Variants in WIPI2 observed in about 807,000 individuals in gnomAD.
WIPI2 encodes the protein WD repeat domain, phosphoinositide interacting 2, also known as WD repeat domain phosphoinositide-interacting protein 2.
Under a neutral mutation model 52.3 loss-of-function variants are expected in WIPI2, and 28 were observed. The observed-to-expected ratio is 0.54, with a 90% confidence interval of 0.40 to 0.73. The LOEUF (loss-of-function observed/expected upper bound fraction) is 0.73. Ranked by LOEUF, WIPI2 falls within the 30% of genes least tolerant of loss-of-function variation. The probability of loss-of-function intolerance (pLI) is 0.00; values close to 1 mark genes in which losing one functional copy is unlikely to be tolerated. For missense variants in WIPI2, 506 were observed against 602.9 expected (o/e 0.84, Z 1.68); for synonymous variants, 268 against 245.0 (o/e 1.09, Z -0.88).
At position 5,222,640 on chromosome 7, in the gene WIPI2, A is replaced by G; in HGVS notation, c.708A>G (p.Gln236=). 6.2e-7 allele frequency: 1 copy of G among 1,614,150 alleles called. No individual in the cohort carries two copies. Among genetic ancestry groups the G allele is most frequent in the Non-Finnish European group, 8.5e-7 (1 of 1,179,984 alleles). Residue 236 remains glutamine (Q), a synonymous_variant, in exon 8 of 13, where the codon CAA becomes CAG. Coordinates refer to ENST00000288828, the MANE Select transcript of WIPI2 (RefSeq NM_015610.4). ...GGGTATTTTCCATTCCAGAAGGACAAAAACTCTTTGAGTTTCGGAGAGGAG... is the reference window on the plus strand; with the variant it reads ...GGGTATTTTCCATTCCAGAAGGACAGAAACTCTTTGAGTTTCGGAGAGGAG... ...VIRVFSIPEG[Q]KLFEFRRGVK...
intron 8 of WIPI2, among the ~76,000 whole-genome samples, chr7:5,224,891 G>A (rs1583589264): frequency 6.6e-6 from 1 of 152,134 alleles, no homozygotes; most frequent in Admixed American, 6.6e-5. Context: ...TTGCAAAGGC[G>A]GTTTCGTTTG....
intron 8 of WIPI2, chr7:5,222,873 T>C: frequency 1.9e-6 from 1 of 527,052 alleles, no homozygotes. Context: ...ATTGGGTTTT[T>C]GTTTGCGATC....
At position 5,232,306 on chromosome 7, in the gene WIPI2, G is replaced by T. The variant is rs1019066080; in HGVS notation, c.*1359G>T. Reference sequence around the variant, plus strand: ...TCATGGTCACGCTGGGCGAAGAGCTGGAGGGGAGTTGTCCCCTCAGCTGAG... The same window carrying T: ...TCATGGTCACGCTGGGCGAAGAGCTTGAGGGGAGTTGTCCCCTCAGCTGAG... On this transcript the variant is annotated 3_prime_UTR_variant, in exon 13 of 13. Transcript: ENST00000288828. The T allele has an allele frequency of 5.8e-5, 23 of 398,536 alleles. No individual in the cohort carries two copies. Among genetic ancestry groups the T allele is most frequent in the African/African-American group, 4.7e-4 (23 of 48,646 alleles). 24.7% of individuals were successfully genotyped at this position (398,536 alleles called of 1,614,324 possible). A position where few individuals can be genotyped will look rare whatever the true frequency, so the allele number is the denominator to read the frequency against.
chr7:5,229,023 T>C (rs901047823), intron 11 of WIPI2, among the ~76,000 whole-genome samples: 1 of 151,800 alleles, frequency 6.6e-6, no homozygotes, highest in Non-Finnish European at 1.5e-5. Context: ...TAGCTTTTTG[T>C]GTGTGTGTGT....
intron 3 of WIPI2, among the ~76,000 whole-genome samples, chr7:5,201,337 C>T (rs1782016718): frequency 6.6e-6 from 1 of 152,248 alleles, no homozygotes; most frequent in Non-Finnish European, 1.5e-5. Context: ...TGGAAGAATG[C>T]CAAAACCTGG....
At chr7:5,214,485 C>T (rs1377646519) in intron 3 of WIPI2, 50 bp from the exon 4 acceptor site, 1 of 1,614,100 alleles carries the variant, frequency 6.2e-7, no homozygotes, top group East Asian at 2.2e-5. Context: ...CTGCCTGTGG[C>T]CATAGCCATG....
intron 3 of WIPI2, among the ~76,000 whole-genome samples, chr7:5,202,399 A>G (rs1002689406): frequency 6.6e-6 from 1 of 152,094 alleles, no homozygotes; most frequent in Non-Finnish European, 1.5e-5. Context: ...ATGTATATAT[A>G]TGGGGACAGA....
At position 5,228,205 on chromosome 7, in the gene WIPI2, AG is replaced by A; in HGVS notation, c.1116del (p.Gln372HisfsTer24). 6.2e-7 allele frequency: 1 copy of A among 1,612,416 alleles called. No individual in the cohort carries two copies. Among genetic ancestry groups the A allele is most frequent in the Non-Finnish European group, 8.5e-7 (1 of 1,179,622 alleles). On this transcript the variant is annotated frameshift_variant, in exon 11 of 13. Transcript: ENST00000288828. LOFTEE classifies it high-confidence loss of function. ...QEGGECALMK[Q>X]HRLDGSLETT... is the part of the protein sequence containing the mutation. ...GGCGGCGAGTGTGCCCTGATGAAGC[AG>A]CACCGGTGAGTCTGCTCCGGCCGCT...
intron 3 of WIPI2, among the ~76,000 whole-genome samples, chr7:5,203,697 A>G (rs7806315): frequency 0.029 from 4,002 of 139,862 alleles, 133 homozygotes; most frequent in African/African-American, 0.086. Context: ...TAGTGGCGCA[A>G]TCTTGGCTCA....
At chr7:5,205,725 G>A (rs1335503524) in intron 3 of WIPI2, among the ~76,000 whole-genome samples, 2 of 151,696 alleles carry the variant, frequency 1.3e-5, no homozygotes, top group African/African-American at 4.8e-5. Context: ...GCAGGCTGGT[G>A]TTGAACTCCT....
intron 2 of WIPI2, chr7:5,193,383 C>T: frequency 7.6e-7 from 1 of 1,314,378 alleles, no homozygotes; most frequent in South Asian, 1.9e-5. Context: ...AATGCCATGT[C>T]TAAAAGGGAT....
At chr7:5,221,752 C>G (rs1196010706) in intron 7 of WIPI2, among the ~76,000 whole-genome samples, 1 of 152,102 alleles carries the variant, frequency 6.6e-6, no homozygotes, top group East Asian at 1.9e-4. Flanking sequence ...AGTTCTTTGT[C>G]TTAGTAAGAT....
intron 8 of WIPI2, among the ~76,000 whole-genome samples, chr7:5,225,341 C>G (rs1194220850): frequency 6.6e-6 from 1 of 152,050 alleles, no homozygotes; most frequent in Non-Finnish European, 1.5e-5. Flanking sequence ...GGGGGTTTCA[C>G]CATGTTGGCC....
At position 5,214,698 on chromosome 7, in the gene WIPI2, CA is replaced by C; in HGVS notation, c.376del (p.Arg126GlyfsTer4). On this transcript the variant is annotated frameshift_variant, in exon 4 of 13. Coordinates refer to ENST00000288828, the MANE Select transcript of WIPI2 (RefSeq NM_015610.4). LOFTEE classifies it high-confidence loss of function. ...SNTILAVKLNRQRLIVCLEES... is the reference protein window; with the variant it reads ...SNTILAVKLNXQRLIVCLEES... Reference sequence around the variant, plus strand: ...ACACGATTCTGGCTGTGAAGCTCAACAGGCAGGTGAGCGCTGCCCCAGCTGG... The same window carrying C: ...ACACGATTCTGGCTGTGAAGCTCAACGGCAGGTGAGCGCTGCCCCAGCTGG... 6.2e-7 allele frequency: 1 copy of C among 1,614,058 alleles called. No homozygotes were observed. The highest frequency in any genetic ancestry group is 8.5e-7 in the Non-Finnish European group (1 of 1,180,040).
intron 3 of WIPI2, chr7:5,213,128 C>T (rs191616851): frequency 3.7e-3 from 554 of 151,646 alleles, no homozygotes; most frequent in Non-Finnish European, 6.3e-3. Flanking sequence ...AGACGGTGGC[C>T]GCTAGTCTGA....
At chr7:5,197,358 A>G (rs983251583) in intron 2 of WIPI2, among the ~76,000 whole-genome samples, 7 of 152,164 alleles carry the variant, frequency 4.6e-5, no homozygotes, top group African/African-American at 1.7e-4. Flanking sequence ...TTTCCTGAAC[A>G]TCAGTTTCCC....
At chr7:5,224,217 G>T (rs1461851846) in intron 8 of WIPI2, among the ~76,000 whole-genome samples, 1 of 152,228 alleles carries the variant, frequency 6.6e-6, no homozygotes, top group East Asian at 1.9e-4. Context: ...ATCCACCAGG[G>T]TCTTGCGTGA....
chr7:5,198,233 A>T (rs999404999), intron 2 of WIPI2, among the ~76,000 whole-genome samples: 13 of 152,164 alleles, frequency 8.5e-5, no homozygotes, highest in African/African-American at 3.1e-4. Flanking sequence ...CGGGTAGTAA[A>T]GGCCTGCAGA....
In WIPI2 at chr7:5,230,469, T is replaced by G. The variant is rs1783678605; in HGVS notation, c.1253-366T>G. 6.6e-6 allele frequency among the ~76,000 whole-genome samples: 1 copy of G among 152,232 alleles called. No individual in the cohort carries two copies. The highest frequency in any genetic ancestry group is 1.5e-5 in the Non-Finnish European group (1 of 68,038). ...GTGCCTGCTCGCTGCCACTCCCATC[T>G]GTGAACCGGCACTTCCAGTTCATGA... On this transcript the variant is annotated intron_variant, in intron 12 of 12. Coordinates refer to ENST00000288828, the MANE Select transcript of WIPI2 (RefSeq NM_015610.4). The surrounding 1 kb of genome is among the most constrained non-coding windows in gnomAD (Gnocchi z 4.8).
Sources: gnomAD v4.1 joint callset for allele counts (sites outside exome capture counted in the v4.1 genomes callset) on GRCh38, gnomAD v4.1.1 for gene constraint, Gnocchi (gnomAD v3.1) non-coding constraint, MANE v1.5 for transcripts, NCBI Gene and HGNC (gene_info 2026-07-23, HGNC 2026-07-21) for gene names.